Variants in CLHC1 observed in about 807,000 individuals in gnomAD.
CLHC1 encodes clathrin heavy chain linker domain containing 1.
In CLHC1, 72 loss-of-function variants were observed where a neutral mutation model predicts 69.5. The observed-to-expected ratio is 1.04, with a 90% confidence interval of 0.86 to 1.26. The LOEUF (loss-of-function observed/expected upper bound fraction) is 1.26, where lower values mean the gene tolerates loss of function less well. Among genes scored for constraint, CLHC1 ranks in the 50% most tolerant of loss-of-function variants. The probability of loss-of-function intolerance (pLI) is 0.00; values close to 1 mark genes in which losing one functional copy is unlikely to be tolerated. For synonymous variants in CLHC1, 223 were observed against 224.3 expected (o/e 0.99, Z 0.05); for missense variants, 790 against 679.3 (o/e 1.16, Z -1.81).
intron 5 of CLHC1, among the ~76,000 whole-genome samples, chr2:55,212,260 G>A (rs1204023959): frequency 2.0e-5 from 3 of 152,154 alleles, no homozygotes; most frequent in African/African-American, 7.2e-5. Flanking sequence ...CCTGGGTGAC[G>A]GAGAGAGACT....
chr2:55,232,266 GT>G lies in CLHC1; in HGVS notation c.-300del. The stretch of plus-strand genomic sequence containing the variant: ...TCCTTTTCTCCAAACACCGACTTCA[GT>G]GCTTAGAGATAGTAACTAGGGAATC... On this transcript the variant is annotated 5_prime_UTR_variant, in exon 1 of 13. Coordinates refer to ENST00000401408, the MANE Select transcript of CLHC1 (RefSeq NM_152385.4). 1 of 188,630 alleles carries G rather than the reference GT, an allele frequency of 5.3e-6. No individual in the cohort carries two copies. Among genetic ancestry groups the G allele is most frequent in the Non-Finnish European group, 1.1e-5 (1 of 87,680 alleles). 11.7% of individuals were successfully genotyped at this position (188,630 alleles called of 1,614,324 possible).
chr2:55,178,886 T>A (rs1025331862), intron 11 of CLHC1, among the ~76,000 whole-genome samples: 9 of 151,026 alleles, frequency 6.0e-5, no homozygotes, highest in African/African-American at 2.2e-4. Context: ...TTTTTCTTAC[T>A]ACATTTCAAA....
At chr2:55,177,863 C>A in intron 11 of CLHC1, 82 bp from the exon 12 acceptor site, 1 of 978,738 alleles carries the variant, frequency 1.0e-6, no homozygotes, top group South Asian at 1.8e-5. Context: ...AATGTCTATA[C>A]CTGCCAATCA....
Position 55,206,346 on chromosome 2 carries a change from A to G in CLHC1, c.930T>C (p.Tyr310=), listed in dbSNP as rs746737398. Residue 310 remains tyrosine (Y), a synonymous_variant, in exon 9 of 13, where the codon TAT becomes TAC. Coordinates refer to ENST00000401408, the MANE Select transcript of CLHC1 (RefSeq NM_152385.4). ...RFNELISLGE[Y]EKAACYAANS... The stretch of plus-strand genomic sequence containing the variant: ...TTGCTGCATAACAAGCTGCCTTTTC[A>G]TATTCACCAAGTGAGATTAACTCAT... The G allele has an allele frequency of 4.4e-6, 7 of 1,608,522 alleles. No homozygotes were observed. In the Admixed American group the frequency reaches 1.0e-4, roughly 23 times the overall value.
At chr2:55,213,987 A>G (rs143699187) in intron 4 of CLHC1, among the ~76,000 whole-genome samples, 7 of 152,340 alleles carry the variant, frequency 4.6e-5, no homozygotes, top group African/African-American at 7.2e-5. Flanking sequence ...GGCAGGTCAC[A>G]GTAACTAGGC....
chr2:55,189,310 G>A (rs914041073), intron 9 of CLHC1, among the ~76,000 whole-genome samples: 2 of 151,998 alleles, frequency 1.3e-5, no homozygotes, highest in African/African-American at 4.8e-5. Flanking sequence ...CAAAATGATA[G>A]GCTTAAGACC....
In CLHC1 at chr2:55,179,575, T is replaced by C. The variant is rs533893615; in HGVS notation, c.1384+935A>G. 8.5e-5 allele frequency among the ~76,000 whole-genome samples: 13 copies of C among 152,290 alleles called. No individual in the cohort carries two copies. The East Asian group carries it at 2.3e-3, about 27-fold the overall frequency. On this transcript the variant is annotated intron_variant, in intron 11 of 12. Transcript: ENST00000401408. ...TAATGTGACCTAAAAATGGCCATGT[T>C]TGGTTCCATTTTGCATCTTCTTAGA...
chr2:55,212,791 T>C lies in CLHC1; in HGVS notation c.381A>G (p.Glu127=), dbSNP rs763893248. Residue 127 remains glutamate (E), a synonymous_variant, in exon 5 of 13, where the codon GAA becomes GAG. Transcript: ENST00000401408. ...GAGATTGAATCTTCGAGGAATTACT[T>C]TCGATAATCCTCATTCTGGAAAACA... ...IQLEAKMRII[E]SNSSKIQSQI... 1 of 1,603,272 alleles carries C rather than the reference T, an allele frequency of 6.2e-7. No homozygotes were observed. The highest frequency in any genetic ancestry group is 1.7e-5 in the Admixed American group (1 of 59,962).
intron 8 of CLHC1, among the ~76,000 whole-genome samples, chr2:55,208,068 T>C (rs1378627568): frequency 1.3e-5 from 2 of 152,134 alleles, no homozygotes; most frequent in East Asian, 1.9e-4. Context: ...AAGGACTGAA[T>C]TGGCTAGAAT....
chr2:55,191,399 C>T (rs191276339), intron 9 of CLHC1, among the ~76,000 whole-genome samples: 3 of 152,170 alleles, frequency 2.0e-5, no homozygotes, highest in African/African-American at 7.2e-5. Flanking sequence ...CCATGCATGG[C>T]TAATTTTTGT....
chr2:55,204,437 G>A (rs1422644474), intron 9 of CLHC1, among the ~76,000 whole-genome samples: 1 of 152,178 alleles, frequency 6.6e-6, no homozygotes, highest in African/African-American at 2.4e-5. Flanking sequence ...ACTTAAAACA[G>A]TAGCTTTTAT....
chr2:55,221,151 T>G (rs558989018), intron 3 of CLHC1, among the ~76,000 whole-genome samples: 1 of 152,324 alleles, frequency 6.6e-6, no homozygotes, highest in African/African-American at 2.4e-5. Flanking sequence ...AGTTTCTATT[T>G]TGCCTGTGAC....
chr2:55,182,575 CT>C, intron 9 of CLHC1, among the ~76,000 whole-genome samples: 1 of 152,212 alleles, frequency 6.6e-6, no homozygotes, highest in South Asian at 2.1e-4. Flanking sequence ...TTTAATTCTC[CT>C]CCTCAAAGTC....
Position 55,175,896 on chromosome 2 carries a change from T to A in CLHC1, c.1655A>T (p.Asp552Val), listed in dbSNP as rs772037265. The A allele has an allele frequency of 6.2e-7, 1 of 1,614,038 alleles. No homozygotes were observed. Among genetic ancestry groups the A allele is most frequent in the Non-Finnish European group, 8.5e-7 (1 of 1,179,906 alleles). ...AGACGTGATGTCATTAGATAATTTG[T>A]CAAAGCCATTCTGTGAACATATATT... ...VANICSQNGF[D>V]KLSNDITSIL... Residue 552 changes from aspartate to valine, a missense_variant, in exon 13 of 13, where the codon GAC becomes GTC. Physicochemically the swap from Asp to Val is radical, Grantham distance 152. Transcript: ENST00000401408.
rs117307909 is a variant in CLHC1, at chr2:55,178,531, G to A, written c.1385-750C>T. On this transcript the variant is annotated intron_variant, in intron 11 of 12. Coordinates refer to ENST00000401408, the MANE Select transcript of CLHC1 (RefSeq NM_152385.4). Reference sequence around the variant, plus strand: ...GTCTCACTGTGTGGCCCAGGCTGGAGTGCATGGCTCACCATAGGCATAATG... The same window carrying A: ...GTCTCACTGTGTGGCCCAGGCTGGAATGCATGGCTCACCATAGGCATAATG... Among the ~76,000 whole-genome samples, 417 of 152,178 alleles carry A rather than the reference G, an allele frequency of 2.7e-3. 9 individuals are homozygous for A. The East Asian group carries it at 0.052, about 19-fold the overall frequency.
chr2:55,182,476 A>G (rs1056967554), intron 9 of CLHC1, among the ~76,000 whole-genome samples: 3 of 152,186 alleles, frequency 2.0e-5, no homozygotes, highest in Non-Finnish European at 2.9e-5. Flanking sequence ...AAGACTGTCA[A>G]TTTGAACTCT....
intron 3 of CLHC1, 163 bp from the exon 4 acceptor site, chr2:55,218,161 C>T (rs1455751843): frequency 6.9e-6 from 3 of 432,162 alleles, no homozygotes; most frequent in African/African-American, 4.1e-5. Context: ...ACACTAAAGG[C>T]AATATTTACT....
chr2:55,230,088 A>C (rs1166773108), intron 1 of CLHC1, among the ~76,000 whole-genome samples: 2 of 152,240 alleles, frequency 1.3e-5, no homozygotes, highest in African/African-American at 4.8e-5. Flanking sequence ...AAAGAAAAAA[A>C]AGAATTGTTC....
In CLHC1 at chr2:55,217,875, C is replaced by CT. The variant is rs1558509266; in HGVS notation, c.300dup (p.Gly101ArgfsTer20). 10 of 1,607,598 alleles carry CT rather than the reference C, an allele frequency of 6.2e-6. No individual in the cohort carries two copies. Among genetic ancestry groups the CT allele is most frequent in the Non-Finnish European group, 8.5e-6 (10 of 1,177,518 alleles). ...AAAGCTGTAGGCTCTGCTGCCAAAC[C>CT]TTTAAGTTTTCCATGAAGACAAAAT... On this transcript the variant is annotated frameshift_variant, in exon 4 of 13. Transcript: ENST00000401408. LOFTEE classifies it high-confidence loss of function.
Sources: allele counts gnomAD v4.1 joint callset (sites outside exome capture counted in the v4.1 genomes callset), GRCh38; gene constraint gnomAD v4.1.1; transcripts MANE v1.5; gene names NCBI Gene and HGNC (gene_info 2026-07-23, HGNC 2026-07-21).